Variants in GALNT17 observed in about 807,000 individuals in gnomAD.
GALNT17 encodes the protein UDP-GalNAc:polypeptide N-acetylgalactosaminyltransferase-like 3.
A neutral mutation model predicts 63.7 loss-of-function variants in GALNT17; 29 were observed. That is an observed-to-expected ratio of 0.46 (90% CI 0.34 to 0.62). The LOEUF (loss-of-function observed/expected upper bound fraction) is 0.62, where lower values mean the gene tolerates loss of function less well. Among genes scored for constraint, GALNT17 ranks in the 20% least tolerant of loss-of-function variants. The probability of loss-of-function intolerance (pLI) is 0.01; values close to 1 mark genes in which losing one functional copy is unlikely to be tolerated. For missense variants in GALNT17, 603 were observed against 799.6 expected, an observed-to-expected ratio of 0.75 and a Z score of 2.97; for synonymous variants, 305 against 318.3, an observed-to-expected ratio of 0.96 and a Z score of 0.45.
intron 6 of GALNT17, among the ~76,000 whole-genome samples, chr7:71,656,064 T>A (rs1790823990): frequency 6.6e-6 from 1 of 152,210 alleles, no homozygotes; most frequent in Non-Finnish European, 1.5e-5. Flanking sequence ...TTAATGTATG[T>A]ACACATTCAC....
At chr7:71,363,186 T>C (rs1231957880) in intron 2 of GALNT17, among the ~76,000 whole-genome samples, 7 of 152,014 alleles carry the variant, frequency 4.6e-5, no homozygotes, top group Non-Finnish European at 8.8e-5. Flanking sequence ...AGGCTGGTCT[T>C]GAACTCCTGA....
At chr7:71,291,763 A>G (rs1239861425) in intron 1 of GALNT17, among the ~76,000 whole-genome samples, 1 of 152,236 alleles carries the variant, frequency 6.6e-6, no homozygotes, top group Non-Finnish European at 1.5e-5. Flanking sequence ...ATGTAATCAT[A>G]TAATTGAATA....
intron 6 of GALNT17, among the ~76,000 whole-genome samples, chr7:71,590,162 G>A (rs368685526): frequency 6.6e-5 from 10 of 152,210 alleles, no homozygotes; most frequent in East Asian, 1.9e-4. Context: ...TATTTATGTC[G>A]AAGTTATAGT....
At chr7:71,386,630 G>A (rs1163698802) in intron 2 of GALNT17, among the ~76,000 whole-genome samples, 1 of 152,138 alleles carries the variant, frequency 6.6e-6, no homozygotes, top group East Asian at 1.9e-4. Context: ...GAAGGCCAAA[G>A]CTCTATGCTC....
chr7:71,414,047 G>A (rs1382410173), intron 3 of GALNT17, among the ~76,000 whole-genome samples: 1 of 152,006 alleles, frequency 6.6e-6, no homozygotes, highest in Non-Finnish European at 1.5e-5. Context: ...TTCGAGACCA[G>A]CCTGACCAAC....
intron 5 of GALNT17, among the ~76,000 whole-genome samples, chr7:71,567,823 G>A (rs750368323): frequency 2.0e-5 from 3 of 152,140 alleles, no homozygotes; most frequent in African/African-American, 7.2e-5. Flanking sequence ...TATAGTCTTC[G>A]GTGGCAGCAC....
intron 1 of GALNT17, among the ~76,000 whole-genome samples, chr7:71,278,842 A>G (rs751042321): frequency 3.9e-5 from 6 of 151,952 alleles, no homozygotes; most frequent in Non-Finnish European, 8.8e-5. Flanking sequence ...GGGAACTACA[A>G]GTTGAGATTT....
chr7:71,243,801 C>T (rs1379132168), intron 1 of GALNT17, among the ~76,000 whole-genome samples: 8 of 152,088 alleles, frequency 5.3e-5, no homozygotes, highest in South Asian at 4.1e-4. Context: ...GAAAAAACAA[C>T]GGCCAAACTT....
chr7:71,489,895 C>T (rs1173717172), intron 5 of GALNT17, among the ~76,000 whole-genome samples: 2 of 152,142 alleles, frequency 1.3e-5, no homozygotes, highest in East Asian at 1.9e-4. Flanking sequence ...GCATTGGCCA[C>T]GCTGTGTAAT....
At chr7:71,549,662 GT>G (rs1381668284) in intron 5 of GALNT17, among the ~76,000 whole-genome samples, 6 of 151,982 alleles carry the variant, frequency 3.9e-5, no homozygotes, top group Non-Finnish European at 7.4e-5. Context: ...AAGAGTAATT[GT>G]TTTTTTCTCC....
At chr7:71,302,166 G>A (rs921350480) in intron 1 of GALNT17, among the ~76,000 whole-genome samples, 4 of 152,060 alleles carry the variant, frequency 2.6e-5, no homozygotes, top group African/African-American at 4.8e-5. Flanking sequence ...ATGGACACAG[G>A]GAGGGGAGCA....
chr7:71,209,017 A>G (rs574246011), intron 1 of GALNT17, among the ~76,000 whole-genome samples: 6 of 152,358 alleles, frequency 3.9e-5, no homozygotes, highest in Middle Eastern at 3.4e-3. Context: ...GGTCTCTGTC[A>G]TAACTACGCA....
intron 2 of GALNT17, among the ~76,000 whole-genome samples, chr7:71,387,424 C>T (rs552372262): frequency 1.1e-4 from 17 of 151,784 alleles, no homozygotes; most frequent in African/African-American, 3.9e-4. Flanking sequence ...CTCCCGGGCT[C>T]AAGTGATCCT....
rs1009462057 is a variant in GALNT17 at position 71,370,142 on chromosome 7, A to G, written c.423-18093A>G. Among the ~76,000 whole-genome samples the G allele has an allele frequency of 3.3e-5, 5 of 152,200 alleles. No homozygotes were observed. The East Asian group carries it at 9.6e-4, about 29-fold the overall frequency. On this transcript the variant is annotated intron_variant, in intron 2 of 10. Transcript: ENST00000333538. ...TCCCATCCTGTATGGCATTGTCATC[A>G]TTGTAAACAGCAGTTCTATAACCTT... is the stretch of plus-strand genomic sequence containing the variant.
At chr7:71,651,926 C>A (rs1666372263) in intron 6 of GALNT17, among the ~76,000 whole-genome samples, 1 of 151,896 alleles carries the variant, frequency 6.6e-6, no homozygotes, top group South Asian at 2.1e-4. Context: ...GTCTTGAACT[C>A]CTGGCCTCAA....
In GALNT17 at chr7:71,535,186, G is replaced by A. The variant is rs1285254387; in HGVS notation, c.963-36099G>A. On this transcript the variant is annotated intron_variant, in intron 5 of 10. Transcript: ENST00000333538. ...GTGTTTTAAGAGGGAGGCCACAGTT[G>A]TGTTTTTCCATCCATTCCCATTGAC... is the stretch of plus-strand genomic sequence containing the variant. Among the ~76,000 whole-genome samples, 3 of 152,182 alleles carry A rather than the reference G, an allele frequency of 2.0e-5. No individual in the cohort carries two copies. In the East Asian group the frequency reaches 5.8e-4, roughly 29 times the overall value.
intron 6 of GALNT17, among the ~76,000 whole-genome samples, chr7:71,615,314 C>G (rs1790184872): frequency 6.6e-6 from 1 of 152,120 alleles, no homozygotes; most frequent in Admixed American, 6.6e-5. Context: ...TTGTCCCAGG[C>G]TGAGTCACTT....
chr7:71,537,580 G>A (rs1340330504), intron 5 of GALNT17, among the ~76,000 whole-genome samples: 1 of 152,172 alleles, frequency 6.6e-6, no homozygotes, highest in African/African-American at 2.4e-5. Flanking sequence ...GGGAGGCCGA[G>A]GCAGGCAGAT....
intron 2 of GALNT17, among the ~76,000 whole-genome samples, chr7:71,340,837 C>T (rs1263498323): frequency 2.0e-5 from 3 of 152,054 alleles, no homozygotes; most frequent in African/African-American, 4.8e-5. Flanking sequence ...AGTTTGAGAC[C>T]AGCCTGGCCA....
Sources: allele counts gnomAD v4.1 joint callset (sites outside exome capture counted in the v4.1 genomes callset), GRCh38; gene constraint gnomAD v4.1.1; transcripts MANE v1.5; gene names NCBI Gene and HGNC (gene_info 2026-07-23, HGNC 2026-07-21).